USH2A: variants seen among roughly 807,000 people sequenced by gnomAD.
USH2A encodes the protein usherin, also known as Usher syndrome 2A (autosomal recessive, mild).
A neutral mutation model predicts 538.9 loss-of-function variants in USH2A; 443 were observed. The ratio of observed to expected loss-of-function variants is 0.82; its 90% confidence interval spans 0.76 to 0.89. The LOEUF (loss-of-function observed/expected upper bound fraction) is 0.89. Ranked by LOEUF, USH2A falls within the 40% of genes least tolerant of loss-of-function variation. The pLI is 0.00. For synonymous variants in USH2A, 2,413 were observed against 2,273.5 expected (o/e 1.06, Z -1.75); for missense variants, 6,633 against 6,324.8 (o/e 1.05, Z -1.65).
At chr1:216,076,554 G>C (rs1478279530) in intron 27 of USH2A, among the ~76,000 whole-genome samples, 1 of 151,848 alleles carries the variant, frequency 6.6e-6, no homozygotes, top group Non-Finnish European at 1.5e-5. Context: ...ACAGGATTAA[G>C]TAATCTCACT....
chr1:216,350,252 G>A (rs1355932557), intron 4 of USH2A, among the ~76,000 whole-genome samples: 3 of 151,976 alleles, frequency 2.0e-5, no homozygotes, highest in Admixed American at 6.6e-5. Context: ...AACATGCATG[G>A]GGACACAGAT....
intron 58 of USH2A, among the ~76,000 whole-genome samples, chr1:215,747,683 C>T (rs1660509214): frequency 6.6e-6 from 1 of 152,108 alleles, no homozygotes; most frequent in African/African-American, 2.4e-5. Context: ...AATCGGGGAC[C>T]CTCTCAGTTT....
intron 61 of USH2A, among the ~76,000 whole-genome samples, chr1:215,684,641 C>T (rs1440715953): frequency 2.6e-5 from 4 of 152,182 alleles, no homozygotes; most frequent in Admixed American, 6.5e-5. Context: ...CTCTTGTGTT[C>T]ATCAACAGAG....
chr1:215,971,699 A>G (rs1667498022), intron 35 of USH2A, among the ~76,000 whole-genome samples: 1 of 152,174 alleles, frequency 6.6e-6, no homozygotes, highest in Non-Finnish European at 1.5e-5. Flanking sequence ...TATAAACAAG[A>G]ATTATAAATG....
Position 215,888,422 on chromosome 1 carries a change from T to A in USH2A, c.8223+4A>T. On this transcript the variant is annotated splice_donor_region_variant and intron_variant, in intron 41 of 71. Transcript: ENST00000307340. ...CAAAGGAGAGAGAATAGTCAGTATC[T>A]TACCTGGACTGCATCGGGTTCCAGC... The A allele has an allele frequency of 6.2e-7, 1 of 1,612,680 alleles. No homozygotes were observed. Among genetic ancestry groups the A allele is most frequent in the South Asian group, 1.1e-5 (1 of 91,016 alleles).
rs780513086 is a variant in USH2A, at chr1:215,628,830, C to T, written c.15503G>A (p.Gly5168Asp). The T allele has an allele frequency of 1.2e-6, 2 of 1,614,154 alleles. No homozygotes were observed. The highest frequency in any genetic ancestry group is 1.1e-5 in the South Asian group (1 of 91,074). ...CCAACTCACCAGTCCACTGTTGTGGCCCATGATGGCTTCCCACAGTGAGTT... is the reference window on the plus strand; with the variant it reads ...CCAACTCACCAGTCCACTGTTGTGGTCCATGATGGCTTCCCACAGTGAGTT... ...MDNSLWEAIM[G>D]HNSGLYVDEE... The change falls in exon 71 of 72, where the codon GGC (glycine) becomes GAC (aspartate). Residue 5168 changes from glycine to aspartate, a missense_variant. Physicochemically the swap from Gly to Asp is moderately conservative, Grantham distance 94 (BLOSUM62 -1). Coordinates refer to ENST00000307340, the MANE Select transcript of USH2A (RefSeq NM_206933.4).
chr1:215,897,655 C>G (rs961275766), intron 40 of USH2A, among the ~76,000 whole-genome samples: 3 of 151,504 alleles, frequency 2.0e-5, no homozygotes, highest in Non-Finnish European at 2.9e-5. Context: ...TGCCACTGCA[C>G]TCCAGCCTGG....
At chr1:215,892,430 G>A (rs760728550) in intron 40 of USH2A, among the ~76,000 whole-genome samples, 1 of 152,116 alleles carries the variant, frequency 6.6e-6, no homozygotes, top group Non-Finnish European at 1.5e-5. Flanking sequence ...AAAAATCAAA[G>A]TGGCAAATAT....
intron 49 of USH2A, among the ~76,000 whole-genome samples, chr1:215,813,278 A>T (rs1662754046): frequency 6.6e-6 from 1 of 152,146 alleles, no homozygotes; most frequent in South Asian, 2.1e-4. Context: ...ATGATGAGAG[A>T]ATATTGCCAG....
In USH2A at chr1:215,685,693, A is replaced by ATT. The variant is rs11378255; in HGVS notation, c.12067-5319_12067-5318dup. Among the ~76,000 whole-genome samples, 48 of 150,654 alleles carry ATT rather than the reference A, an allele frequency of 3.2e-4. No homozygotes were observed. The East Asian group carries it at 7.8e-3, about 24-fold the overall frequency. On this transcript the variant is annotated intron_variant, in intron 61 of 71. Coordinates refer to ENST00000307340, the MANE Select transcript of USH2A (RefSeq NM_206933.4). ...TCTTGATACAGAAATTATTATTATT[A>ATT]TTTTTTTACCACGCATTAGGCAAAT...
intron 3 of USH2A, among the ~76,000 whole-genome samples, chr1:216,376,197 T>C (rs562341333): frequency 2.0e-5 from 3 of 152,270 alleles, no homozygotes; most frequent in East Asian, 3.9e-4. Context: ...AAGGTTGCCA[T>C]AAACCTTCAC....
intron 32 of USH2A, among the ~76,000 whole-genome samples, chr1:216,038,500 CTTT>C (rs2030100954): frequency 1.3e-5 from 2 of 152,012 alleles, no homozygotes; most frequent in Non-Finnish European, 2.9e-5. Flanking sequence ...CCCCCCTCCA[CTTT>C]CTTATTCTAT....
intron 16 of USH2A, among the ~76,000 whole-genome samples, chr1:216,203,438 C>G (rs1320912265): frequency 6.6e-6 from 1 of 152,000 alleles, no homozygotes; most frequent in Non-Finnish European, 1.5e-5. Context: ...CTCTCTCTCT[C>G]AAAACATCTT....
intron 56 of USH2A, among the ~76,000 whole-genome samples, chr1:215,763,139 C>T (rs1230290236): frequency 6.6e-6 from 1 of 152,170 alleles, no homozygotes; most frequent in Non-Finnish European, 1.5e-5. Flanking sequence ...ACTCAACATT[C>T]TACCCGACTT....
At chr1:216,043,005 A>T (rs1272398764) in intron 32 of USH2A, among the ~76,000 whole-genome samples, 1 of 152,114 alleles carries the variant, frequency 6.6e-6, no homozygotes, top group East Asian at 1.9e-4. Context: ...TTCAGCCTCC[A>T]GACTGTGAGA....
At chr1:215,970,853 G>T in intron 35 of USH2A, 77 bp from the exon 36 acceptor site, 1 of 1,409,110 alleles carries the variant, frequency 7.1e-7, no homozygotes, top group Non-Finnish European at 1.0e-6. Flanking sequence ...AAGCACTCTT[G>T]ATGTGATTTC....
intron 38 of USH2A, among the ~76,000 whole-genome samples, chr1:215,903,784 G>T (rs969689056): frequency 6.6e-6 from 1 of 152,050 alleles, no homozygotes; most frequent in Admixed American, 6.6e-5. Context: ...TGAAATGGAG[G>T]CTTGAAGAAA....
intron 41 of USH2A, among the ~76,000 whole-genome samples, chr1:215,879,782 T>C (rs928324481): frequency 6.6e-6 from 1 of 152,242 alleles, no homozygotes; most frequent in Admixed American, 6.5e-5. Flanking sequence ...AATTCTAGAA[T>C]GTCTGAAGTT....
chr1:216,182,187 G>A (rs903662164), intron 20 of USH2A, among the ~76,000 whole-genome samples: 2 of 152,004 alleles, frequency 1.3e-5, no homozygotes, highest in South Asian at 2.1e-4. Context: ...GTCACTGTGG[G>A]ACCTATAGCA....
Sources: gnomAD v4.1 joint callset for allele counts (sites outside exome capture counted in the v4.1 genomes callset) on GRCh38, gnomAD v4.1.1 for gene constraint, MANE v1.5 for transcripts, NCBI Gene and HGNC (gene_info 2026-07-23, HGNC 2026-07-21) for gene names.